Variants in TSPAN1 observed in about 807,000 individuals in gnomAD.
TSPAN1 encodes tetraspanin 1.
TSPAN1 carries 23 observed loss-of-function variants against 26.9 expected under a neutral mutation model. That is an observed-to-expected ratio of 0.85 (90% CI 0.62 to 1.21). The LOEUF is 1.21. Among genes scored for constraint, TSPAN1 ranks in the 50% most tolerant of loss-of-function variants. The pLI is 0.00. For missense variants in TSPAN1, 283 were observed against 298.4 expected (o/e 0.95, Z 0.38); for synonymous variants, 115 against 114.8 (o/e 1.00, Z -0.01).
chr1:46,190,797 TGA>T (rs1266473038), downstream of TSPAN1: 2 of 1,607,172 alleles, frequency 1.2e-6, no homozygotes, highest in Admixed American at 1.7e-5. Flanking sequence ...GGAGTGGGTA[TGA>T]GAGTGAAAAT....
chr1:46,188,718 C>T (rs1341836433), downstream of TSPAN1: 3 of 1,602,656 alleles, frequency 1.9e-6, no homozygotes, highest in Non-Finnish European at 2.6e-6. Flanking sequence ...CAATGACCAA[C>T]TTATCCAGCT....
chr1:46,192,940 C>G, the TSPAN1 span: 1 of 1,614,244 alleles, frequency 6.2e-7, no homozygotes, highest in Non-Finnish European at 8.5e-7. Context: ...TCTTCCAGAA[C>G]CACAGCAAAC....
intron 4 of TSPAN1, 41 bp from the exon 5 acceptor site, chr1:46,184,553 A>T: frequency 1.9e-6 from 3 of 1,608,060 alleles, no homozygotes; most frequent in Non-Finnish European, 2.6e-6. Flanking sequence ...GGCATGAGGG[A>T]CTGTCTCTCC....
chr1:46,192,124 C>T, the TSPAN1 span: 14 of 1,614,102 alleles, frequency 8.7e-6, no homozygotes, highest in East Asian at 4.5e-5. Flanking sequence ...ATGTTGAGGC[C>T]GACGATGCCA....
chr1:46,176,958 T>C (rs1395384722), intron 1 of TSPAN1, among the ~76,000 whole-genome samples: 1 of 152,208 alleles, frequency 6.6e-6, no homozygotes, highest in African/African-American at 2.4e-5. Flanking sequence ...CAAGGTTAGG[T>C]TCCTGAAACC....
At chr1:46,192,377 C>G in the TSPAN1 span, 3 of 1,614,096 alleles carry the variant, frequency 1.9e-6, no homozygotes, top group Non-Finnish European at 2.5e-6. Flanking sequence ...CCCAGCCCAG[C>G]CCAGGCATGG....
the TSPAN1 span, chr1:46,196,082 A>G: frequency 1.2e-6 from 2 of 1,613,938 alleles, no homozygotes; most frequent in Non-Finnish European, 1.7e-6. This position sits in a 1 kb window ranked among gnomAD's most constrained non-coding sequence, Gnocchi z 4.4. Context: ...CAGCACCTAC[A>G]CAGTGGCAGA....
At chr1:46,188,660 C>A (rs1179108421), downstream of TSPAN1, 16 of 1,562,270 alleles carry the variant, frequency 1.0e-5, no homozygotes, top group African/African-American at 1.4e-5. Flanking sequence ...CCCTGACACA[C>A]AAAATCACAA....
rs768126575 is a variant in TSPAN1, at chr1:46,184,835, T to C, written c.390T>C (p.Tyr130=). 342 of 1,614,204 alleles carry C rather than the reference T, an allele frequency of 2.1e-4. No homozygotes were observed. The highest frequency in any genetic ancestry group is 2.7e-4 in the Non-Finnish European group (317 of 1,180,030). The change falls in exon 6 of 9, where the codon TAT becomes TAC. Residue 130 remains tyrosine (Y), a synonymous_variant. Transcript: ENST00000372003. ...TAGTGCCTGCCATCAAGAAAGATTA[T>C]GGTTCCCAGGAAGACTTCACTCAAG... is the stretch of plus-strand genomic sequence containing the variant. ...LLVVPAIKKD[Y]GSQEDFTQVW...
rs375561647 is a variant in TSPAN1 at position 46,185,316 on chromosome 1, G to T, written c.678+8G>T. On this transcript the variant is annotated splice_region_variant and intron_variant, in intron 8 of 8. Coordinates refer to ENST00000372003, the MANE Select transcript of TSPAN1 (RefSeq NM_005727.4). ...GGAATTGGGGGCCTCGAGGTAAGCAGATGAGGAGGCTGGGACTGGGACATG... is the reference window on the plus strand; with the variant it reads ...GGAATTGGGGGCCTCGAGGTAAGCATATGAGGAGGCTGGGACTGGGACATG... 12 of 1,613,866 alleles carry T rather than the reference G, an allele frequency of 7.4e-6. No homozygotes were observed. Among genetic ancestry groups the T allele is most frequent in the Non-Finnish European group, 1.0e-5 (12 of 1,180,006 alleles).
chr1:46,179,853 A>G lies in TSPAN1; in HGVS notation c.-141-673A>G, dbSNP rs116911277. 1.5e-3 allele frequency among the ~76,000 whole-genome samples: 234 copies of G among 152,284 alleles called. 5 individuals carry two copies. The East Asian group carries it at 0.039, about 25-fold the overall frequency. The stretch of plus-strand genomic sequence containing the variant: ...GGAAAAATGGGGAATGTGAGGTTTC[A>G]TGGAGGGAAGAGGATTAGGAACTAT... On this transcript the variant is annotated intron_variant, in intron 1 of 8. Transcript: ENST00000372003.
chr1:46,185,229 G>C lies in TSPAN1; in HGVS notation c.599G>C (p.Cys200Ser), dbSNP rs370368119. The C allele has an allele frequency of 1.4e-5, 23 of 1,614,070 alleles. No individual in the cohort carries two copies. In the African/African-American group the frequency reaches 2.8e-4, roughly 20 times the overall value. ...TGCTCTTTTCTCTTCCTGAAGGGTTGCTTCAATCAGCTTTTGTATGACATC... is the reference window on the plus strand; with the variant it reads ...TGCTCTTTTCTCTTCCTGAAGGGTTCCTTCAATCAGCTTTTGTATGACATC... ...QKAHDQKVEG[C>S]FNQLLYDIRT... is the part of the protein sequence containing the mutation. The change falls in exon 8 of 9, where the codon TGC becomes TCC. Residue 200 changes from cysteine (C) to serine (S), a missense_variant. Physicochemically the swap from Cys to Ser is moderately radical, Grantham distance 112. Transcript: ENST00000372003.
chr1:46,180,361 G>A (rs1460910372), intron 1 of TSPAN1, among the ~76,000 whole-genome samples, 165 bp from the exon 2 acceptor site: 3 of 152,228 alleles, frequency 2.0e-5, no homozygotes, highest in East Asian at 1.9e-4. Flanking sequence ...CAGGAGGGGC[G>A]TTGCCCAGGG....
At position 46,185,272 on chromosome 1, in the gene TSPAN1, C is replaced by A; in HGVS notation, c.642C>A (p.Thr214=). Residue 214 remains threonine (T), a synonymous_variant, in exon 8 of 9, where the codon ACC becomes ACA. Coordinates refer to ENST00000372003, the MANE Select transcript of TSPAN1 (RefSeq NM_005727.4). ...ATGACATCCGAACTAATGCAGTCAC[C>A]GTGGGTGGTGTGGCAGCTGGAATTG... ...LLYDIRTNAV[T]VGGVAAGIGG... is the part of the protein sequence containing the mutation. 1 of 1,614,114 alleles carries A rather than the reference C, an allele frequency of 6.2e-7. No individual in the cohort carries two copies. Among genetic ancestry groups the A allele is most frequent in the East Asian group, 2.2e-5 (1 of 44,890 alleles).
At chr1:46,192,846 A>T in the TSPAN1 span, 4 of 1,610,780 alleles carry the variant, frequency 2.5e-6, no homozygotes, top group Non-Finnish European at 3.4e-6. Context: ...CACCTCACTG[A>T]CTCTTTCCCT....
chr1:46,189,702 T>C, downstream of TSPAN1: 1 of 1,547,920 alleles, frequency 6.5e-7, no homozygotes, highest in Non-Finnish European at 8.7e-7. Flanking sequence ...TTTTAGAATA[T>C]GAATTTGGAC....
intron 1 of TSPAN1, chr1:46,176,466 C>T: frequency 2.6e-6 from 4 of 1,535,652 alleles, no homozygotes; most frequent in Non-Finnish European, 3.5e-6. Flanking sequence ...GCCGAGATGG[C>T]CCCATGGGCA....
downstream of TSPAN1, among the ~76,000 whole-genome samples, chr1:46,187,998 C>A (rs932641034): frequency 2.6e-5 from 4 of 152,210 alleles, no homozygotes; most frequent in East Asian, 1.9e-4. Flanking sequence ...CTTCACAGAT[C>A]CCTTAAATGT....
chr1:46,188,689 G>A (rs1463885556), downstream of TSPAN1: 7 of 1,594,218 alleles, frequency 4.4e-6, no homozygotes, highest in South Asian at 6.7e-5. Flanking sequence ...CATCCCCAGA[G>A]GGCTTCTCCT....
Sources: allele counts gnomAD v4.1 joint callset (sites outside exome capture counted in the v4.1 genomes callset), GRCh38; gene constraint gnomAD v4.1.1; non-coding constraint Gnocchi (gnomAD v3.1); transcripts MANE v1.5; gene names NCBI Gene and HGNC (gene_info 2026-07-23, HGNC 2026-07-21).